Variants in CC2D2A observed in about 807,000 individuals in gnomAD.
CC2D2A encodes the protein coiled-coil and C2 domain-containing protein 2A.
Under a neutral mutation model 212.9 loss-of-function variants are expected in CC2D2A, and 155 were observed. That is an observed-to-expected ratio of 0.73 (90% CI 0.64 to 0.83). The LOEUF is 0.83. Among genes scored for constraint, CC2D2A ranks in the 40% least tolerant of loss-of-function variants. The pLI is 0.00. For synonymous variants in CC2D2A, 667 were observed against 686.5 expected, an observed-to-expected ratio of 0.97 and a Z score of 0.44; for missense variants, 1,856 against 1,956.2, an observed-to-expected ratio of 0.95 and a Z score of 0.97.
chr4:15,502,478 C>T lies in CC2D2A; in HGVS notation c.297C>T (p.Ser99=), dbSNP rs1239405285. The T allele has an allele frequency of 6.2e-7, 1 of 1,608,722 alleles. No individual in the cohort carries two copies. The highest frequency in any genetic ancestry group is 2.2e-5 in the East Asian group (1 of 44,788). Residue 99 remains serine, a synonymous_variant, in exon 5 of 37, where the codon TCC becomes TCT. Transcript: ENST00000424120. ...CCAGAACAGGCTTTGCAGAATTTTC[C>T]ATGAGGGGACGCATGAGGGAGAAAT... ...STSRTGFAEF[S]MRGRMREKLQ...
At position 15,480,832 on chromosome 4, in the gene CC2D2A, G is replaced by A; in HGVS notation, c.247+5G>A. 1 of 1,610,586 alleles carries A rather than the reference G, an allele frequency of 6.2e-7. No homozygotes were observed. The highest frequency in any genetic ancestry group is 8.5e-7 in the Non-Finnish European group (1 of 1,177,952). On this transcript the variant is annotated splice_donor_5th_base_variant and intron_variant, in intron 4 of 36. Coordinates refer to ENST00000424120, the MANE Select transcript of CC2D2A (RefSeq NM_001378615.1). ...CAGTCCGGAGAGGCCCACGGAGTAA[G>A]TGCCCCTCTTCCATTCAGCTACTGC...
intron 6 of CC2D2A, among the ~76,000 whole-genome samples, chr4:15,508,589 T>C (rs1192567932): frequency 1.3e-5 from 2 of 152,224 alleles, no homozygotes; most frequent in Non-Finnish European, 2.9e-5. Flanking sequence ...AGTCAGACTT[T>C]AGAGCCTATG....
At chr4:15,553,543 G>C (rs1468313784) in intron 19 of CC2D2A, among the ~76,000 whole-genome samples, 2 of 152,184 alleles carry the variant, frequency 1.3e-5, no homozygotes, top group African/African-American at 4.8e-5. Context: ...TCGATACAGT[G>C]AAAAGAACTT....
At chr4:15,476,049 A>G in intron 2 of CC2D2A, 78 bp downstream of exon 2, 1 of 1,263,900 alleles carries the variant, frequency 7.9e-7, no homozygotes, top group East Asian at 2.5e-5. Context: ...TGAATGAGGA[A>G]GTTAGGCCAA....
intron 1 of CC2D2A, 112 bp downstream of exon 1, chr4:15,470,169 G>A (rs1202679346): frequency 6.6e-6 from 1 of 152,204 alleles, no homozygotes; most frequent in African/African-American, 2.4e-5. Context: ...TTAATGAATT[G>A]TAAATTTAGG....
At chr4:15,529,149 G>A (rs1717677099) in intron 13 of CC2D2A, among the ~76,000 whole-genome samples, 1 of 152,210 alleles carries the variant, frequency 6.6e-6, no homozygotes, top group African/African-American at 2.4e-5. Flanking sequence ...GCTCATGCCT[G>A]TAATCCCAGC....
intron 30 of CC2D2A, among the ~76,000 whole-genome samples, chr4:15,584,462 A>C (rs1245466660): frequency 6.6e-6 from 1 of 152,196 alleles, no homozygotes; most frequent in African/African-American, 2.4e-5. Context: ...GAAAAATAAA[A>C]CTAGAGCCCC....
At chr4:15,553,907 T>C (rs1719134335) in intron 19 of CC2D2A, among the ~76,000 whole-genome samples, 1 of 152,168 alleles carries the variant, frequency 6.6e-6, no homozygotes, top group African/African-American at 2.4e-5. Context: ...CTACAGTCAA[T>C]CATTTCACCA....
At chr4:15,594,982 A>G (rs1217522339) in intron 33 of CC2D2A, among the ~76,000 whole-genome samples, 1 of 151,622 alleles carries the variant, frequency 6.6e-6, no homozygotes, top group Non-Finnish European at 1.5e-5. Flanking sequence ...CAAAAAAAAA[A>G]AAATTTTTTT....
intron 24 of CC2D2A, among the ~76,000 whole-genome samples, chr4:15,566,039 T>C (rs1414359626): frequency 6.6e-6 from 1 of 152,230 alleles, no homozygotes; most frequent in Non-Finnish European, 1.5e-5. Flanking sequence ...TGATAGTCTA[T>C]AGAAAGAGAC....
rs551985637 is a variant in CC2D2A at position 15,492,496 on chromosome 4, T to G, written c.248-9933T>G. On this transcript the variant is annotated intron_variant, in intron 4 of 36. Coordinates refer to ENST00000424120, the MANE Select transcript of CC2D2A (RefSeq NM_001378615.1). ...CTCAGAGTTAATGCCAAATTCTTTT[T>G]TTTGTTTGTTTGTTTGGTTTTTTTT... Among the ~76,000 whole-genome samples the G allele has an allele frequency of 4.0e-5, 6 of 151,216 alleles. No homozygotes were observed. In the South Asian group the frequency reaches 1.2e-3, roughly 31 times the overall value.
intron 33 of CC2D2A, among the ~76,000 whole-genome samples, chr4:15,592,783 T>A (rs1467925576): frequency 6.6e-6 from 1 of 152,182 alleles, no homozygotes; most frequent in African/African-American, 2.4e-5. Flanking sequence ...AACCTTTGTC[T>A]TGAATTTTCA....
rs369928983 is a variant in CC2D2A at position 15,579,964 on chromosome 4, G to C, written c.3772-4G>C. 3.7e-6 allele frequency: 6 copies of C among 1,610,568 alleles called. No homozygotes were observed. In the South Asian group the frequency reaches 6.6e-5, roughly 18 times the overall value. On this transcript the variant is annotated splice_region_variant and splice_polypyrimidine_tract_variant and intron_variant, in intron 29 of 36. Transcript: ENST00000424120. ...TAAACTCCATGAAGTCTTTCTTTTTGAAGTTTGAGTCTCAGGAAGATGAGA... is the reference window on the plus strand; with the variant it reads ...TAAACTCCATGAAGTCTTTCTTTTTCAAGTTTGAGTCTCAGGAAGATGAGA...
At chr4:15,578,533 G>T (rs1228319007) in intron 29 of CC2D2A, among the ~76,000 whole-genome samples, 5 of 152,194 alleles carry the variant, frequency 3.3e-5, no homozygotes. Flanking sequence ...CAAAATCCCT[G>T]AAGTCAGGAA....
intron 24 of CC2D2A, among the ~76,000 whole-genome samples, chr4:15,566,087 G>C (rs1259465144): frequency 1.3e-5 from 2 of 152,304 alleles, no homozygotes; most frequent in East Asian, 3.9e-4. Context: ...TGAAATACTT[G>C]GCAAACCATA....
At chr4:15,570,139 A>G (rs1720089713) in intron 27 of CC2D2A, among the ~76,000 whole-genome samples, 1 of 152,236 alleles carries the variant, frequency 6.6e-6, no homozygotes, top group South Asian at 2.1e-4. Context: ...TGCTTTACGC[A>G]CATTGTCTGA....
At chr4:15,597,626 G>A (rs562725225) in intron 35 of CC2D2A, among the ~76,000 whole-genome samples, 161 bp downstream of exon 35, 1 of 152,286 alleles carries the variant, frequency 6.6e-6, no homozygotes, top group South Asian at 2.1e-4. Flanking sequence ...AAATCCCATG[G>A]CTCAAAAGGA....
intron 36 of CC2D2A, among the ~76,000 whole-genome samples, chr4:15,600,814 C>G (rs1721554643): frequency 6.7e-6 from 1 of 148,834 alleles, no homozygotes; most frequent in African/African-American, 2.5e-5. Flanking sequence ...AGTGGGGGGA[C>G]CATTTGAGCC....
At chr4:15,582,263 G>T (rs1720694738) in intron 30 of CC2D2A, among the ~76,000 whole-genome samples, 1 of 151,872 alleles carries the variant, frequency 6.6e-6, no homozygotes, top group Non-Finnish European at 1.5e-5. Context: ...AATATAAAGA[G>T]AATTATTGAA....
Sources: gnomAD v4.1 joint callset for allele counts (sites outside exome capture counted in the v4.1 genomes callset) on GRCh38, gnomAD v4.1.1 for gene constraint, MANE v1.5 for transcripts, NCBI Gene and HGNC (gene_info 2026-07-23, HGNC 2026-07-21) for gene names.